Variants in SLC1A2 observed in about 807,000 individuals in gnomAD.
SLC1A2 encodes excitatory amino acid transporter 2.
Under a neutral mutation model 48.8 loss-of-function variants are expected in SLC1A2, and 15 were observed. That is an observed-to-expected ratio of 0.31 (90% CI 0.21 to 0.47). The LOEUF (loss-of-function observed/expected upper bound fraction) is 0.47, where lower values mean the gene tolerates loss of function less well. Among genes scored for constraint, SLC1A2 ranks in the 20% least tolerant of loss-of-function variants. The probability of loss-of-function intolerance (pLI) is 0.99; values close to 1 mark genes in which losing one functional copy is unlikely to be tolerated. For synonymous variants in SLC1A2, 279 were observed against 272.6 expected, an observed-to-expected ratio of 1.02 and a Z score of -0.23; for missense variants, 502 against 730.5, an observed-to-expected ratio of 0.69 and a Z score of 3.61.
At chr11:35,316,067 G>A (rs1258280937) in intron 2 of SLC1A2, 7 of 152,076 alleles carry the variant, frequency 4.6e-5, no homozygotes, top group Admixed American at 4.6e-4. Context: ...TGACTTCTAT[G>A]TCCTTTTACA....
intron 3 of SLC1A2, among the ~76,000 whole-genome samples, chr11:35,313,830 G>A (rs1045726934): frequency 5.3e-5 from 8 of 152,084 alleles, no homozygotes; most frequent in African/African-American, 1.9e-4. Flanking sequence ...AGCATTTCAG[G>A]TACTGGGGTC....
Position 35,292,364 on chromosome 11 carries a change from T to C in SLC1A2, c.1014A>G (p.Val338=), listed in dbSNP as rs2134746751. Residue 338 remains valine, a synonymous_variant, in exon 7 of 11, where the codon GTA becomes GTG. Coordinates refer to ENST00000278379, the MANE Select transcript of SLC1A2 (RefSeq NM_004171.4). ...AGGAGAAGGGGTTTTTCCTGGTCACTACAAAGTAAATCAAGGGGAGAAAGA... is the reference window on the plus strand; with the variant it reads ...AGGAGAAGGGGTTTTTCCTGGTCACCACAAAGTAAATCAAGGGGAGAAAGA... ...GGIFLPLIYF[V]VTRKNPFSFF... The C allele has an allele frequency of 1.2e-6, 2 of 1,614,076 alleles. No individual in the cohort carries two copies. The highest frequency in any genetic ancestry group is 1.7e-6 in the Non-Finnish European group (2 of 1,179,944).
chr11:35,351,560 AT>A (rs1853254456), intron 1 of SLC1A2, among the ~76,000 whole-genome samples: 1 of 152,260 alleles, frequency 6.6e-6, no homozygotes, highest in South Asian at 2.1e-4. Flanking sequence ...GATTGGGAGT[AT>A]ATTGTGTGTA....
chr11:35,417,460 T>G (rs919135455), intron 1 of SLC1A2, among the ~76,000 whole-genome samples: 6 of 152,236 alleles, frequency 3.9e-5, no homozygotes, highest in Non-Finnish European at 7.3e-5. Context: ...AGAAGGTCCA[T>G]GAAGGCAACC....
chr11:35,301,448 G>A, intron 6 of SLC1A2, 71 bp downstream of exon 6: 1 of 1,466,554 alleles, frequency 6.8e-7, no homozygotes, highest in Non-Finnish European at 9.4e-7. Context: ...TGCAGGGAGA[G>A]CTCCAGTATC....
intron 7 of SLC1A2, among the ~76,000 whole-genome samples, chr11:35,287,305 G>A (rs1485970415): frequency 6.7e-6 from 1 of 149,132 alleles, no homozygotes; most frequent in African/African-American, 2.5e-5. Flanking sequence ...AAAAACAAAA[G>A]CCAGCTATGT....
intron 1 of SLC1A2, among the ~76,000 whole-genome samples, chr11:35,323,659 T>C (rs1173711129): frequency 1.3e-5 from 2 of 152,090 alleles, no homozygotes; most frequent in African/African-American, 4.8e-5. Context: ...TGAAGACAAG[T>C]CATTTCATTC....
At chr11:35,406,351 T>C (rs956766464) in intron 1 of SLC1A2, among the ~76,000 whole-genome samples, 3 of 152,030 alleles carry the variant, frequency 2.0e-5, no homozygotes, top group Admixed American at 1.3e-4. Context: ...AAATAAAATA[T>C]GTAAAAGTTG....
intron 1 of SLC1A2, among the ~76,000 whole-genome samples, chr11:35,362,677 C>A (rs576016277): frequency 2.0e-5 from 3 of 152,290 alleles, no homozygotes; most frequent in African/African-American, 7.2e-5. Context: ...GTTCATTCCA[C>A]AAAAATTTCT....
intron 1 of SLC1A2, among the ~76,000 whole-genome samples, chr11:35,361,926 C>T (rs1452429773): frequency 6.6e-6 from 1 of 152,072 alleles, no homozygotes; most frequent in African/African-American, 2.4e-5. Flanking sequence ...CAGTGAGCCA[C>T]GTTCACACCA....
intron 1 of SLC1A2, among the ~76,000 whole-genome samples, chr11:35,405,442 GT>G (rs1855259459): frequency 4.8e-5 from 7 of 144,948 alleles, no homozygotes; most frequent in Middle Eastern, 3.5e-3. Context: ...TTTAACTAAT[GT>G]AATTGAAAAA....
chr11:35,418,897 C>T (rs1021334245), intron 1 of SLC1A2, 53 bp downstream of exon 1: 1 of 1,524,030 alleles, frequency 6.6e-7, no homozygotes, highest in South Asian at 1.2e-5. Flanking sequence ...AGGGGCGCCA[C>T]CACCCCGCGC....
intron 1 of SLC1A2, among the ~76,000 whole-genome samples, chr11:35,353,477 G>A (rs920927719): frequency 1.3e-5 from 2 of 152,166 alleles, no homozygotes; most frequent in Admixed American, 1.3e-4. Context: ...CCACTAGACT[G>A]TACCCTTCTT....
intron 1 of SLC1A2, among the ~76,000 whole-genome samples, chr11:35,326,138 C>T (rs11033071): frequency 0.2 from 29,771 of 151,926 alleles, 3,436 homozygotes; most frequent in Admixed American, 0.27. Context: ...GAAGATGGAA[C>T]GAGGAACCAC....
At chr11:35,300,477 T>C (rs549278763) in intron 6 of SLC1A2, among the ~76,000 whole-genome samples, 1 of 152,344 alleles carries the variant, frequency 6.6e-6, no homozygotes, top group Non-Finnish European at 1.5e-5. Context: ...GTGCTCTTAA[T>C]AAAAGATGCT....
intron 1 of SLC1A2, among the ~76,000 whole-genome samples, chr11:35,393,778 A>T (rs946443319): frequency 1.3e-5 from 2 of 152,182 alleles, no homozygotes; most frequent in African/African-American, 4.8e-5. Context: ...GCCAAATAAA[A>T]ATTTATAAAA....
chr11:35,276,418 T>G (rs551054982), intron 9 of SLC1A2, among the ~76,000 whole-genome samples: 1 of 151,506 alleles, frequency 6.6e-6, no homozygotes, highest in Non-Finnish European at 1.5e-5. Flanking sequence ...TATGATTTCA[T>G]CAACATAGTT....
At chr11:35,420,015 G>A (rs1261827472), upstream of SLC1A2, 1 of 436,722 alleles carries the variant, frequency 2.3e-6, no homozygotes, top group South Asian at 1.7e-5. Context: ...CCTAAACGCG[G>A]CCCAGCTGCG....
intron 4 of SLC1A2, among the ~76,000 whole-genome samples, chr11:35,311,479 G>C (rs2134862574): frequency 6.6e-6 from 1 of 152,276 alleles, no homozygotes; most frequent in East Asian, 1.9e-4. Context: ...TTCTTTTAAA[G>C]ATTATGCACA....
Sources: allele counts gnomAD v4.1 joint callset (sites outside exome capture counted in the v4.1 genomes callset), GRCh38; gene constraint gnomAD v4.1.1; transcripts MANE v1.5; gene names NCBI Gene and HGNC (gene_info 2026-07-23, HGNC 2026-07-21).